The following XIRP2 variants were observed in gnomAD, a reference collection of about 807,000 sequenced individuals.
XIRP2 encodes xin actin-binding repeat-containing protein 2.
Under a neutral mutation model 277.0 loss-of-function variants are expected in XIRP2, and 236 were observed. The observed-to-expected ratio is 0.85, with a 90% CI of 0.77 to 0.95. The LOEUF is 0.95. XIRP2 is among the 40% of genes least tolerant of loss of function. The pLI, the probability that XIRP2 is intolerant of heterozygous loss-of-function variation, is 0.00. For synonymous variants in XIRP2, 1,490 were observed against 1,416.5 expected, an observed-to-expected ratio of 1.05 and a Z score of -1.17; for missense variants, 4,640 against 4,157.5, an observed-to-expected ratio of 1.12 and a Z score of -3.19.
intron 2 of XIRP2, among the ~76,000 whole-genome samples, chr2:167,087,358 G>A (rs1262861039): frequency 3.3e-5 from 5 of 151,570 alleles, no homozygotes; most frequent in African/African-American, 1.2e-4. Flanking sequence ...CTGTCAGACA[G>A]GGACATTTAA....
intron 2 of XIRP2, among the ~76,000 whole-genome samples, chr2:167,055,608 T>C (rs1484564853): frequency 6.6e-6 from 1 of 152,188 alleles, no homozygotes; most frequent in East Asian, 1.9e-4. Context: ...CATGAAATAG[T>C]GGTGTATTCT....
At chr2:166,974,289 G>A (rs1369135823) in intron 2 of XIRP2, among the ~76,000 whole-genome samples, 1 of 152,040 alleles carries the variant, frequency 6.6e-6, no homozygotes, top group Non-Finnish European at 1.5e-5. Flanking sequence ...AAATCCTTCA[G>A]TATGAAGAAA....
At chr2:167,240,357 G>T (rs1695025790) in intron 6 of XIRP2, among the ~76,000 whole-genome samples, 1 of 152,180 alleles carries the variant, frequency 6.6e-6, no homozygotes, top group Non-Finnish European at 1.5e-5. Context: ...GGAGGTTGCA[G>T]TGAGCCGAGT....
At chr2:166,918,453 A>T (rs1684948644) in intron 2 of XIRP2, among the ~76,000 whole-genome samples, 1 of 152,146 alleles carries the variant, frequency 6.6e-6, no homozygotes, top group Admixed American at 6.6e-5. Context: ...ATGATAGAGT[A>T]TGAAAATCAG....
chr2:166,921,893 G>A (rs1023455000), intron 2 of XIRP2, among the ~76,000 whole-genome samples: 1 of 152,154 alleles, frequency 6.6e-6, no homozygotes, highest in Non-Finnish European at 1.5e-5. Flanking sequence ...TGCAGGGTGA[G>A]TGATCTTTTC....
intron 3 of XIRP2, among the ~76,000 whole-genome samples, chr2:167,172,965 G>A (rs534814735): frequency 7.2e-5 from 11 of 152,270 alleles, no homozygotes; most frequent in South Asian, 2.1e-4. Context: ...AAAGACAGGC[G>A]TAAGAAATTA....
At chr2:167,054,003 A>T (rs1160501509) in intron 2 of XIRP2, among the ~76,000 whole-genome samples, 1 of 152,162 alleles carries the variant, frequency 6.6e-6, no homozygotes, top group Non-Finnish European at 1.5e-5. Flanking sequence ...TTTTCTTTGG[A>T]AATGTTTCTA....
intron 5 of XIRP2, among the ~76,000 whole-genome samples, chr2:167,221,254 C>G (rs926750873): frequency 3.3e-5 from 5 of 151,916 alleles, no homozygotes; most frequent in African/African-American, 1.2e-4. Context: ...GGGCAGATCA[C>G]CTGAATTCAA....
intron 2 of XIRP2, among the ~76,000 whole-genome samples, chr2:166,907,434 A>C (rs988707089): frequency 2.6e-5 from 4 of 152,142 alleles, no homozygotes; most frequent in African/African-American, 7.2e-5. Context: ...ATTGTTTAGA[A>C]GTCTCTGATG....
At chr2:167,026,351 C>A (rs906622571) in intron 2 of XIRP2, among the ~76,000 whole-genome samples, 6 of 152,036 alleles carry the variant, frequency 3.9e-5, no homozygotes, top group Non-Finnish European at 5.9e-5. Context: ...ATGTGTGTCT[C>A]TGCACGTGAG....
At chr2:167,126,895 A>G (rs1023222393) in intron 2 of XIRP2, among the ~76,000 whole-genome samples, 3 of 152,186 alleles carry the variant, frequency 2.0e-5, no homozygotes, top group African/African-American at 7.2e-5. Flanking sequence ...AGTATAATAC[A>G]ACTAAAGTGC....
chr2:167,242,998 T>C lies in XIRP2; in HGVS notation c.1606T>C (p.Ser536Pro). Residue 536 changes from serine (S) to proline (P), a missense_variant, in exon 9 of 11, where the codon TCA becomes CCA. Coordinates refer to ENST00000409195, the MANE Select transcript of XIRP2 (RefSeq NM_152381.6). ...SSQMNSGSSV[S>P]ADVQQARYVF... is the part of the protein sequence containing the mutation. ...TCAAATGAACTCAGGGAGTTCAGTC[T>C]CAGCAGATGTGCAACAAGCCCGGTA... 6.2e-7 allele frequency: 1 copy of C among 1,614,038 alleles called. No individual in the cohort carries two copies.
chr2:167,007,676 T>TAC (rs1687539821), intron 2 of XIRP2, among the ~76,000 whole-genome samples: 6 of 133,394 alleles, frequency 4.5e-5, no homozygotes, highest in African/African-American at 1.5e-4. Flanking sequence ...TACCCACATG[T>TAC]ACACTCTCTC....
intron 2 of XIRP2, among the ~76,000 whole-genome samples, chr2:167,043,253 C>T (rs979393291): frequency 6.6e-6 from 1 of 151,940 alleles, no homozygotes; most frequent in African/African-American, 2.4e-5. Context: ...AATTAAAAAC[C>T]TGAAGTCACA....
At chr2:167,016,655 GA>G (rs778257897) in intron 2 of XIRP2, among the ~76,000 whole-genome samples, 2 of 151,908 alleles carry the variant, frequency 1.3e-5, no homozygotes, top group Non-Finnish European at 2.9e-5. Flanking sequence ...AGAATCAAAC[GA>G]AAAGATACTT....
At chr2:167,066,698 C>T (rs969503583) in intron 2 of XIRP2, among the ~76,000 whole-genome samples, 2 of 151,974 alleles carry the variant, frequency 1.3e-5, no homozygotes, top group African/African-American at 4.8e-5. Flanking sequence ...TTTATTGCAT[C>T]ACTATTCACA....
At chr2:167,026,486 G>T (rs536265686) in intron 2 of XIRP2, among the ~76,000 whole-genome samples, 1 of 152,224 alleles carries the variant, frequency 6.6e-6, no homozygotes, top group South Asian at 2.1e-4. Flanking sequence ...GTGTGAATTT[G>T]ATCCTGTCAT....
intron 5 of XIRP2, among the ~76,000 whole-genome samples, chr2:167,228,566 A>T (rs7575951): frequency 5.3e-5 from 8 of 151,972 alleles, no homozygotes; most frequent in Admixed American, 2.6e-4. Flanking sequence ...CTGAAAAAAA[A>T]CTAAGTACAC....
At chr2:166,969,965 C>T (rs1314589936) in intron 2 of XIRP2, among the ~76,000 whole-genome samples, 1 of 151,962 alleles carries the variant, frequency 6.6e-6, no homozygotes, top group Non-Finnish European at 1.5e-5. Context: ...AGCTCAGTTT[C>T]ATGAACCATT....
Sources: gnomAD v4.1 joint callset for allele counts (sites outside exome capture counted in the v4.1 genomes callset) on GRCh38, gnomAD v4.1.1 for gene constraint, MANE v1.5 for transcripts, NCBI Gene and HGNC (gene_info 2026-07-23, HGNC 2026-07-21) for gene names.